The following LAMA2 variants were observed in gnomAD, a reference collection of about 807,000 sequenced individuals.
LAMA2 encodes laminin subunit alpha 2.
A neutral mutation model predicts 364.8 loss-of-function variants in LAMA2; 269 were observed. The ratio of observed to expected loss-of-function variants is 0.74; its 90% CI spans 0.67 to 0.82. The LOEUF (loss-of-function observed/expected upper bound fraction) is 0.82. Among genes scored for constraint, LAMA2 ranks in the 40% least tolerant of loss-of-function variants. The pLI is 0.00. For missense variants in LAMA2, 3,807 were observed against 3,873.2 expected, an observed-to-expected ratio of 0.98 and a Z score of 0.45; for synonymous variants, 1,379 against 1,370.6, an observed-to-expected ratio of 1.01 and a Z score of -0.14.
At chr6:129,046,061 A>G (rs1447169506) in intron 1 of LAMA2, among the ~76,000 whole-genome samples, 1 of 152,232 alleles carries the variant, frequency 6.6e-6, no homozygotes, top group Non-Finnish European at 1.5e-5. Flanking sequence ...TAGACTGCTT[A>G]AACTCATCAT....
At chr6:129,092,058 C>T (rs1406144501) in intron 3 of LAMA2, among the ~76,000 whole-genome samples, 2 of 152,154 alleles carry the variant, frequency 1.3e-5, no homozygotes, top group East Asian at 1.9e-4. Context: ...TCCATTTCAG[C>T]CCACTTTTCA....
At chr6:129,117,316 A>T (rs796175489) in intron 4 of LAMA2, among the ~76,000 whole-genome samples, 17 of 152,350 alleles carry the variant, frequency 1.1e-4, no homozygotes, top group African/African-American at 4.1e-4. Flanking sequence ...AAAGATGAAG[A>T]TATTCTCTTA....
chr6:129,369,846 G>A (rs1777971960), intron 33 of LAMA2, 46 bp from the exon 34 acceptor site: 1 of 1,502,846 alleles, frequency 6.7e-7, no homozygotes, highest in Admixed American at 1.7e-5. Flanking sequence ...CACTATCACT[G>A]CAAGGCCATT....
Position 129,315,620 on chromosome 6 carries a change from T to TA in LAMA2, c.3701dup (p.Tyr1234Ter). 1 of 1,614,196 alleles carries TA rather than the reference T, an allele frequency of 6.2e-7. No homozygotes were observed. Among genetic ancestry groups the TA allele is most frequent in the Non-Finnish European group, 8.5e-7 (1 of 1,180,028 alleles). Residue 1234 changes from tyrosine to a stop codon, truncating the protein, a stop_gained and frameshift_variant, in exon 25 of 65, where the codon TAT (tyrosine) becomes TAAT (stop). Transcript: ENST00000421865. LOFTEE classifies it high-confidence loss of function. ...MREDLHLEPF[Y>*]WKLPEQFEGK... Reference sequence around the variant, plus strand: ...AGAAGATCTCCATTTGGAACCTTTTTATTGGAAACTTCCAGAACAATTTGA... The same window carrying TA: ...AGAAGATCTCCATTTGGAACCTTTTTAATTGGAAACTTCCAGAACAATTTGA...
At chr6:129,297,892 A>C (rs754116611) in intron 21 of LAMA2, 27 bp downstream of exon 21, 1 of 1,593,886 alleles carries the variant, frequency 6.3e-7, no homozygotes, top group East Asian at 2.2e-5. Flanking sequence ...TAAGTCCTAC[A>C]TATTCACTCT....
intron 30 of LAMA2, among the ~76,000 whole-genome samples, chr6:129,348,094 A>G (rs1268778864): frequency 6.6e-6 from 1 of 152,230 alleles, no homozygotes; most frequent in Non-Finnish European, 1.5e-5. Context: ...AGTCAGTATC[A>G]GGCTTTAAAT....
At chr6:129,284,006 G>A (rs1788920243) in intron 18 of LAMA2, among the ~76,000 whole-genome samples, 1 of 152,090 alleles carries the variant, frequency 6.6e-6, no homozygotes, top group African/African-American at 2.4e-5. Context: ...GGAAGATTGA[G>A]GGCTTGAATC....
intron 4 of LAMA2, among the ~76,000 whole-genome samples, chr6:129,101,063 TATTA>T (rs1356371875): frequency 2.0e-5 from 3 of 152,196 alleles, no homozygotes; most frequent in African/African-American, 4.8e-5. Flanking sequence ...GGAATACAAT[TATTA>T]ATTGTTTATG....
chr6:128,928,425 C>A (rs1779232144), intron 1 of LAMA2, among the ~76,000 whole-genome samples: 1 of 152,000 alleles, frequency 6.6e-6, no homozygotes, highest in Non-Finnish European at 1.5e-5. Flanking sequence ...TTATTTAAAC[C>A]AATATCTATT....
chr6:128,983,013 T>C (rs1782993829), intron 1 of LAMA2, among the ~76,000 whole-genome samples: 2 of 151,184 alleles, frequency 1.3e-5, no homozygotes, highest in South Asian at 4.2e-4. Flanking sequence ...AGTCTATCAT[T>C]GTTGTACATT....
Position 129,300,967 on chromosome 6 carries a change from C to T in LAMA2, c.3174+95C>T, listed in dbSNP as rs891751758. 4.9e-6 allele frequency: 5 copies of T among 1,030,720 alleles called. No homozygotes were observed. In the Admixed American group the frequency reaches 5.1e-5, roughly 11 times the overall value. The allele number at this position is 1,030,720 out of a possible 1,614,324, so 63.8% of individuals were successfully genotyped here. ...GGCATTTCAAAATTCAATATTACAT[C>T]ACAAAATAATGTAGAAGTATTACTA... On this transcript the variant is annotated intron_variant, in intron 22 of 64. Coordinates refer to ENST00000421865, the MANE Select transcript of LAMA2 (RefSeq NM_000426.4).
chr6:129,438,475 A>G (rs983628300), intron 41 of LAMA2, among the ~76,000 whole-genome samples, 171 bp from the exon 42 acceptor site: 2 of 152,000 alleles, frequency 1.3e-5, no homozygotes, highest in African/African-American at 4.8e-5. Flanking sequence ...ATAAAAACAC[A>G]TATTTTTAAA....
At chr6:129,371,577 G>A (rs1206067068) in intron 34 of LAMA2, among the ~76,000 whole-genome samples, 2 of 150,742 alleles carry the variant, frequency 1.3e-5, no homozygotes, top group Admixed American at 1.3e-4. Flanking sequence ...ATAGTCTAAT[G>A]ATCTGACGTT....
intron 4 of LAMA2, among the ~76,000 whole-genome samples, chr6:129,124,356 G>A (rs1776988237): frequency 6.6e-6 from 1 of 152,202 alleles, no homozygotes; most frequent in Non-Finnish European, 1.5e-5. Flanking sequence ...TTTACTCATA[G>A]CTTGGGAAGA....
intron 55 of LAMA2, among the ~76,000 whole-genome samples, chr6:129,482,911 CA>C (rs887030096): frequency 6.6e-6 from 1 of 151,440 alleles, no homozygotes; most frequent in East Asian, 1.9e-4. Flanking sequence ...ACTAAAAATA[CA>C]AAAAATTAGC....
intron 3 of LAMA2, among the ~76,000 whole-genome samples, chr6:129,074,940 GT>G (rs1562215205): frequency 6.6e-6 from 1 of 152,112 alleles, no homozygotes; most frequent in Non-Finnish European, 1.5e-5. Context: ...AACAATATGC[GT>G]TTGAAAAATA....
intron 30 of LAMA2, among the ~76,000 whole-genome samples, chr6:129,346,060 G>A (rs1280547416): frequency 2.6e-5 from 4 of 152,220 alleles, no homozygotes; most frequent in South Asian, 2.1e-4. Context: ...TCATTTCCAC[G>A]GCATTAGTTC....
chr6:129,433,830 G>T (rs1666554514), intron 41 of LAMA2, among the ~76,000 whole-genome samples: 1 of 152,038 alleles, frequency 6.6e-6, no homozygotes, highest in Non-Finnish European at 1.5e-5. Context: ...AACACACCAG[G>T]ACAATTTTCA....
chr6:128,984,061 G>A (rs1037265262), intron 1 of LAMA2, among the ~76,000 whole-genome samples: 15 of 152,150 alleles, frequency 9.9e-5, no homozygotes, highest in African/African-American at 3.4e-4. Context: ...GTATCCCCCA[G>A]TGCTAATACA....
Sources: gnomAD v4.1 joint callset for allele counts (sites outside exome capture counted in the v4.1 genomes callset) on GRCh38, gnomAD v4.1.1 for gene constraint, MANE v1.5 for transcripts, NCBI Gene and HGNC (gene_info 2026-07-23, HGNC 2026-07-21) for gene names.